Variants in SLC30A8 observed in about 807,000 individuals in gnomAD.
The protein encoded by SLC30A8 is proton-coupled zinc antiporter SLC30A8.
A neutral mutation model predicts 36.9 loss-of-function variants in SLC30A8; 27 were observed. The observed-to-expected ratio is 0.73, with a 90% CI of 0.54 to 1.01. SLC30A8 has a LOEUF of 1.01. SLC30A8 is among the 50% of genes least tolerant of loss of function. SLC30A8 has a pLI of 0.00. For synonymous variants in SLC30A8, 164 were observed against 172.4 expected (o/e 0.95, Z 0.38); for missense variants, 439 against 452.0 (o/e 0.97, Z 0.26).
intron 2 of SLC30A8, among the ~76,000 whole-genome samples, chr8:117,083,973 C>T (rs972814607): frequency 1.6e-4 from 24 of 152,160 alleles, no homozygotes; most frequent in Admixed American, 1.5e-3. Flanking sequence ...GATAGCCCTA[C>T]TGAGCTTTGC....
At chr8:117,059,821 T>C (rs1366941952) in intron 2 of SLC30A8, among the ~76,000 whole-genome samples, 1 of 152,096 alleles carries the variant, frequency 6.6e-6, no homozygotes, top group African/African-American at 2.4e-5. Context: ...GGGGCGTGTT[T>C]TGGGATGATT....
Position 117,050,685 on chromosome 8 carries a change from C to T in SLC30A8, c.-226+11427C>T, listed in dbSNP as rs567689675. 5.3e-5 allele frequency among the ~76,000 whole-genome samples: 8 copies of T among 152,252 alleles called. No individual in the cohort carries two copies. In the South Asian group the frequency reaches 1.0e-3, roughly 20 times the overall value. On this transcript the variant is annotated intron_variant, in intron 2 of 10. Coordinates refer to the SLC30A8 transcript ENST00000427715. ...CCTCTCAAAGTGCTGAGATTACAGG[C>T]GTGAGCCACCACGCCTGGCTGACTG...
intron 1 of SLC30A8, among the ~76,000 whole-genome samples, chr8:116,997,753 CT>C (rs1815868964): frequency 6.6e-6 from 1 of 152,138 alleles, no homozygotes. Flanking sequence ...AGACCCAAGG[CT>C]TGCGAAGTTA....
chr8:117,018,262 ATAC>A (rs1816586198), intron 1 of SLC30A8: 1 of 130,560 alleles, frequency 7.7e-6, no homozygotes, highest in South Asian at 2.4e-4. Context: ...AAATAAATAC[ATAC>A]ATACATACAT....
chr8:117,153,127 T>C, intron 3 of SLC30A8, 37 bp downstream of exon 3: 2 of 1,505,544 alleles, frequency 1.3e-6, no homozygotes, highest in Non-Finnish European at 1.8e-6. Flanking sequence ...AGCAGGCTGG[T>C]GCTGCAAAGT....
intron 1 of SLC30A8, among the ~76,000 whole-genome samples, chr8:117,138,960 G>A (rs1172526560): frequency 2.0e-5 from 3 of 151,906 alleles, no homozygotes; most frequent in Non-Finnish European, 2.9e-5. Context: ...GACAGCATAG[G>A]GTATTTCAAG....
chr8:117,071,503 C>A (rs1288534128), intron 2 of SLC30A8, among the ~76,000 whole-genome samples: 1 of 152,124 alleles, frequency 6.6e-6, no homozygotes, highest in Non-Finnish European at 1.5e-5. Flanking sequence ...TGTGGATTAT[C>A]TCTTCACTGT....
At chr8:116,969,441 G>A (rs1279269903) in intron 1 of SLC30A8, among the ~76,000 whole-genome samples, 2 of 152,028 alleles carry the variant, frequency 1.3e-5, no homozygotes, top group Non-Finnish European at 2.9e-5. Flanking sequence ...TGGAAAACTG[G>A]GATAATAGAA....
intron 1 of SLC30A8, among the ~76,000 whole-genome samples, chr8:116,998,821 C>A (rs1293440677): frequency 6.6e-6 from 1 of 152,192 alleles, no homozygotes; most frequent in Non-Finnish European, 1.5e-5. Context: ...AGCAGAGAGA[C>A]AGGAAGATTC....
chr8:117,033,384 T>C (rs1186016345), intron 1 of SLC30A8, among the ~76,000 whole-genome samples: 2 of 152,232 alleles, frequency 1.3e-5, no homozygotes, highest in African/African-American at 4.8e-5. Flanking sequence ...GGAATTATAC[T>C]GTATGATTCC....
chr8:117,029,378 ATTAT>A (rs1255082625), intron 1 of SLC30A8, among the ~76,000 whole-genome samples: 2 of 152,222 alleles, frequency 1.3e-5, no homozygotes, highest in Non-Finnish European at 2.9e-5. Context: ...TAGTGCATAG[ATTAT>A]TTGTTTTATT....
At chr8:117,105,635 T>A (rs1423794683) in intron 2 of SLC30A8, among the ~76,000 whole-genome samples, 1 of 152,120 alleles carries the variant, frequency 6.6e-6, no homozygotes, top group Non-Finnish European at 1.5e-5. Context: ...AGTTTTGAGG[T>A]CAAATTTCTT....
intron 1 of SLC30A8, among the ~76,000 whole-genome samples, chr8:116,990,985 A>G (rs963753051): frequency 6.6e-6 from 1 of 152,190 alleles, no homozygotes; most frequent in Non-Finnish European, 1.5e-5. Context: ...TTGTTCAAAT[A>G]ATATAGACCT....
At chr8:116,997,916 A>G (rs901361718) in intron 1 of SLC30A8, among the ~76,000 whole-genome samples, 1 of 152,328 alleles carries the variant, frequency 6.6e-6, no homozygotes, top group Admixed American at 6.5e-5. Flanking sequence ...AGACAGGCAC[A>G]TGGAAACAAA....
At chr8:117,007,366 CTT>C (rs1409052625) in intron 1 of SLC30A8, among the ~76,000 whole-genome samples, 1 of 152,112 alleles carries the variant, frequency 6.6e-6, no homozygotes, top group Admixed American at 6.5e-5. Flanking sequence ...ATTAAAATCT[CTT>C]TTCCTCTCAT....
At chr8:117,171,769 T>C (rs1440691064) in intron 7 of SLC30A8, among the ~76,000 whole-genome samples, 1 of 152,106 alleles carries the variant, frequency 6.6e-6, no homozygotes, top group Non-Finnish European at 1.5e-5. Flanking sequence ...GCTGGGAGGA[T>C]AGGCAGTGGG....
intron 1 of SLC30A8, among the ~76,000 whole-genome samples, chr8:116,954,937 G>A (rs1814136105): frequency 6.6e-6 from 1 of 152,204 alleles, no homozygotes; most frequent in Non-Finnish European, 1.5e-5. Context: ...GCTTAAGATT[G>A]GAAGAGGAAC....
chr8:117,087,163 G>A (rs1818912383), intron 2 of SLC30A8, among the ~76,000 whole-genome samples: 1 of 152,146 alleles, frequency 6.6e-6, no homozygotes, highest in Admixed American at 6.5e-5. Context: ...GTACGTGATT[G>A]GCATTCAGCT....
chr8:117,036,025 G>A (rs1404338300), intron 1 of SLC30A8, among the ~76,000 whole-genome samples: 1 of 152,090 alleles, frequency 6.6e-6, no homozygotes, highest in African/African-American at 2.4e-5. Flanking sequence ...TCTCTGAAAT[G>A]CTCTAGGGGC....
Sources: gnomAD v4.1 joint callset for allele counts (sites outside exome capture counted in the v4.1 genomes callset) on GRCh38, gnomAD v4.1.1 for gene constraint, MANE v1.5 for transcripts, NCBI Gene and HGNC (gene_info 2026-07-23, HGNC 2026-07-21) for gene names.